Variants in JDP2 observed in about 807,000 individuals in gnomAD.
JDP2 encodes the protein progesterone receptor co-activator.
A neutral mutation model predicts 17.1 loss-of-function variants in JDP2; 9 were observed. The observed-to-expected ratio is 0.53, with a 90% CI of 0.32 to 0.92. The LOEUF (loss-of-function observed/expected upper bound fraction) is 0.92. Among genes scored for constraint, JDP2 ranks in the 40% least tolerant of loss-of-function variants. JDP2 has a pLI of 0.04. For missense variants in JDP2, 179 were observed against 220.0 expected (o/e 0.81, Z 1.18); for synonymous variants, 107 against 95.6 (o/e 1.12, Z -0.69).
chr14:75,440,184 A>G (rs534702894), intron 2 of JDP2, among the ~76,000 whole-genome samples: 60 of 152,306 alleles, frequency 3.9e-4, no homozygotes, highest in African/African-American at 1.4e-3. Context: ...CAAAAATAAC[A>G]AGCCGTTTTT....
rs1427104506 is a variant in JDP2, at chr14:75,430,083, G to A, written c.-24+1831G>A. ...ACTCATCCACTGCCTAACTTTTGCA[G>A]CTACCAGGGAATGCTCCTCCTGACT... On this transcript the variant is annotated intron_variant, in intron 1 of 3. Coordinates refer to ENST00000651602, the MANE Select transcript of JDP2 (RefSeq NM_001135048.2). This position sits in a 1 kb window ranked among gnomAD's most constrained non-coding sequence, Gnocchi z 4.5. 1.3e-5 allele frequency among the ~76,000 whole-genome samples: 2 copies of A among 152,196 alleles called. No individual in the cohort carries two copies. Among genetic ancestry groups the A allele is most frequent in the Non-Finnish European group, 2.9e-5 (2 of 68,022 alleles).
chr14:75,442,464 G>A (rs764626660), intron 2 of JDP2, among the ~76,000 whole-genome samples: 1 of 152,124 alleles, frequency 6.6e-6, no homozygotes, highest in Non-Finnish European at 1.5e-5. Flanking sequence ...CTGATTTTGA[G>A]TCTGTGTCCC....
intron 3 of JDP2, among the ~76,000 whole-genome samples, chr14:75,463,047 A>G (rs1886408358): frequency 6.6e-6 from 1 of 152,232 alleles, no homozygotes; most frequent in Non-Finnish European, 1.5e-5. Context: ...ATGAGAAAGC[A>G]GGGACTAGAG....
At position 75,428,082 on chromosome 14, in the gene JDP2, G is replaced by T. The variant is rs529004755; in HGVS notation, c.-194G>T. On this transcript the variant is annotated 5_prime_UTR_variant, in exon 1 of 4. Coordinates refer to ENST00000651602, the MANE Select transcript of JDP2 (RefSeq NM_001135048.2). The surrounding 1 kb of genome is among the most constrained non-coding windows in gnomAD (Gnocchi z 5.6). ...GGCCGCGACGGGGGGCGCTGGCGGCGGCGGACGCTGCAGCGGCGGCGGGGC... is the reference window on the plus strand; with the variant it reads ...GGCCGCGACGGGGGGCGCTGGCGGCTGCGGACGCTGCAGCGGCGGCGGGGC... 1.4e-5 allele frequency: 2 copies of T among 147,886 alleles called. No individual in the cohort carries two copies. The highest frequency in any genetic ancestry group is 1.9e-4 in the South Asian group (1 of 5,226). 9.2% of individuals were successfully genotyped at this position (147,886 alleles called of 1,614,324 possible).
chr14:75,439,009 C>T (rs1351364086), intron 2 of JDP2, among the ~76,000 whole-genome samples: 2 of 152,122 alleles, frequency 1.3e-5, no homozygotes, highest in Non-Finnish European at 2.9e-5. Flanking sequence ...AGGCTGGGAT[C>T]GGGAGGGCGC....
At position 75,446,671 on chromosome 14, in the gene JDP2, G is replaced by A. The variant is rs116183387; in HGVS notation, c.201+8550G>A. Among the ~76,000 whole-genome samples, 1,334 of 152,270 alleles carry A rather than the reference G, an allele frequency of 8.8e-3. 11 individuals carry two copies. The highest frequency in any genetic ancestry group is 0.029 in the South Asian group (142 of 4,830). ...CTAGGGGTGGGGAGATGGGAGGAGT[G>A]GGGAGTGATGGCCAAGGGATATGAG... is the stretch of plus-strand genomic sequence containing the variant. On this transcript the variant is annotated intron_variant, in intron 2 of 3. Coordinates refer to ENST00000651602, the MANE Select transcript of JDP2 (RefSeq NM_001135048.2).
At chr14:75,439,290 C>A (rs1482432573) in intron 2 of JDP2, among the ~76,000 whole-genome samples, 1 of 152,204 alleles carries the variant, frequency 6.6e-6, no homozygotes, top group African/African-American at 2.4e-5. Flanking sequence ...TGGTGGCAAA[C>A]TGGCCATTTG....
At chr14:75,432,080 A>G in intron 1 of JDP2, 1 of 569,742 alleles carries the variant, frequency 1.8e-6, no homozygotes, top group Non-Finnish European at 3.1e-6. Flanking sequence ...TGGCTCCAAA[A>G]CCGCCACTCT....
chr14:75,453,533 G>A (rs1302528059), intron 2 of JDP2, among the ~76,000 whole-genome samples: 1 of 152,252 alleles, frequency 6.6e-6, no homozygotes, highest in Non-Finnish European at 1.5e-5. Flanking sequence ...TGCCTGCGAA[G>A]GAAGGCAGGG....
rs991213675 is a variant in JDP2, at chr14:75,461,477, G to A, written c.253G>A (p.Ala85Thr). ...AAGGCGCCGGGAGAAGAACAAAGTC[G>A]CAGCAGCCCGATGCCGGAACAAGAA... ...RKRRREKNKV[A>T]AARCRNKKKE... The change falls in exon 3 of 4, where the codon GCA becomes ACA. Residue 85 changes from alanine to threonine, a missense_variant. Coordinates refer to ENST00000651602, the MANE Select transcript of JDP2 (RefSeq NM_001135048.2). 25 of 1,610,396 alleles carry A rather than the reference G, an allele frequency of 1.6e-5. No homozygotes were observed. Among genetic ancestry groups the A allele is most frequent in the Non-Finnish European group, 2.1e-5 (25 of 1,179,084 alleles).
At position 75,432,288 on chromosome 14, in the gene JDP2, G is replaced by T. The variant is rs115465917; in HGVS notation, c.-24+4036G>T. ...AGAGGTCATCCTGGGTGATTCCTTA[G>T]CTCCAAGAAGAGGCTTGGTGGTTGA... On this transcript the variant is annotated intron_variant, in intron 1 of 3. Transcript: ENST00000651602. 1.7e-3 allele frequency: 2,647 copies of T among 1,550,110 alleles called. 41 individuals are homozygous for T. The African/African-American group carries it at 0.032, about 19-fold the overall frequency.
rs879675694 is a variant in JDP2, at chr14:75,430,768, G to T, written c.-24+2516G>T. ...AGGGGCTGCCAAGCTCCATGTGCCT[G>T]TGTATGTGTGTGTGCGTGTGCATGT... is the stretch of plus-strand genomic sequence containing the variant. On this transcript the variant is annotated intron_variant, in intron 1 of 3. Transcript: ENST00000651602. The surrounding 1 kb of genome is among the most constrained non-coding windows in gnomAD (Gnocchi z 4.5). Among the ~76,000 whole-genome samples the T allele has an allele frequency of 6.6e-6, 1 of 152,178 alleles. No homozygotes were observed. The highest frequency in any genetic ancestry group is 2.4e-5 in the African/African-American group (1 of 41,438).
intron 2 of JDP2, among the ~76,000 whole-genome samples, chr14:75,440,091 C>A (rs1478282268): frequency 1.3e-5 from 2 of 152,170 alleles, no homozygotes; most frequent in African/African-American, 4.8e-5. Context: ...TTACAGCCAC[C>A]CCCAAATTGG....
chr14:75,429,848 T>C (rs1288904170), intron 1 of JDP2, among the ~76,000 whole-genome samples: 1 of 152,210 alleles, frequency 6.6e-6, no homozygotes, highest in Non-Finnish European at 1.5e-5. Flanking sequence ...CTCCAGAATC[T>C]TCCTGAAGAG....
chr14:75,432,711 G>A (rs959109924), intron 1 of JDP2, among the ~76,000 whole-genome samples: 4 of 152,186 alleles, frequency 2.6e-5, no homozygotes, highest in South Asian at 2.1e-4. Context: ...GAGTTTTATA[G>A]CCTCCTTGAA....
chr14:75,454,180 C>CTT (rs1435757471), intron 2 of JDP2, among the ~76,000 whole-genome samples: 1 of 152,026 alleles, frequency 6.6e-6, no homozygotes, highest in Non-Finnish European at 1.5e-5. Context: ...ACGTCCCCTC[C>CTT]TTTAAACCAT....
chr14:75,439,926 C>A (rs891500670), intron 2 of JDP2, among the ~76,000 whole-genome samples: 5 of 152,138 alleles, frequency 3.3e-5, no homozygotes, highest in African/African-American at 1.2e-4. Flanking sequence ...GATGAAGAGC[C>A]AGGTGTCTTG....
chr14:75,461,991 G>A (rs763055437), intron 3 of JDP2, among the ~76,000 whole-genome samples: 1 of 152,212 alleles, frequency 6.6e-6, no homozygotes, highest in Non-Finnish European at 1.5e-5. Flanking sequence ...CTTAGCTGCA[G>A]GTGTCTTATC....
Position 75,471,772 on chromosome 14 carries a change from G to T in JDP2, c.*2297G>T. ...GTGGCAGCGGGTTGCCTTCTGTCTC[G>T]GGGGTCTTGAGGCTGTCGGTCCGGA... On this transcript the variant is annotated 3_prime_UTR_variant, in exon 4 of 4. Coordinates refer to ENST00000651602, the MANE Select transcript of JDP2 (RefSeq NM_001135048.2). 1 of 157,544 alleles carries T rather than the reference G, an allele frequency of 6.3e-6. No individual in the cohort carries two copies. The highest frequency in any genetic ancestry group is 2.4e-5 in the African/African-American group (1 of 41,616). The allele number at this position is 157,544 out of a possible 1,614,324, so 9.8% of individuals were successfully genotyped here. A position where few individuals can be genotyped will look rare whatever the true frequency, so the allele number is the denominator to read the frequency against.
Sources: allele counts gnomAD v4.1 joint callset (sites outside exome capture counted in the v4.1 genomes callset), GRCh38; gene constraint gnomAD v4.1.1; non-coding constraint Gnocchi (gnomAD v3.1); transcripts MANE v1.5; gene names NCBI Gene and HGNC (gene_info 2026-07-23, HGNC 2026-07-21).